Variants in ZNF558 observed in about 807,000 individuals in gnomAD.
ZNF558 encodes the protein zinc finger protein 558.
Under a neutral mutation model 37.6 loss-of-function variants are expected in ZNF558, and 23 were observed. The ratio of observed to expected loss-of-function variants is 0.61; its 90% CI spans 0.44 to 0.87. ZNF558 has a LOEUF of 0.87. ZNF558 is among the 40% of genes least tolerant of loss of function. The probability of loss-of-function intolerance (pLI) is 0.00; values close to 1 mark genes in which losing one functional copy is unlikely to be tolerated. For synonymous variants in ZNF558, 189 were observed against 174.4 expected, an observed-to-expected ratio of 1.08 and a Z score of -0.66; for missense variants, 429 against 483.7, an observed-to-expected ratio of 0.89 and a Z score of 1.06.
chr19:8,823,789 A>G (rs1305151226), intron 4 of ZNF558: 2 of 152,474 alleles, frequency 1.3e-5, no homozygotes, highest in Non-Finnish European at 2.9e-5. Context: ...GCGTGACTTC[A>G]ATCATCCACC....
chr19:8,826,527 G>A (rs1005721116), intron 2 of ZNF558, among the ~76,000 whole-genome samples: 2 of 151,998 alleles, frequency 1.3e-5, no homozygotes, highest in South Asian at 4.2e-4. Flanking sequence ...ATAGGGTTTG[G>A]GCTCCTATGA....
At chr19:8,833,310 A>G (rs1166518738), upstream of ZNF558, 4 of 152,364 alleles carry the variant, frequency 2.6e-5, no homozygotes, top group South Asian at 2.1e-4. Flanking sequence ...ATTTAACACT[A>G]AGAGTTTAGG....
rs1191041942 is a variant in ZNF558 at position 8,809,471 on chromosome 19, C to A, written c.*1810G>T. On this transcript the variant is annotated 3_prime_UTR_variant, in exon 10 of 10. Transcript: ENST00000601372. ...AAACGAATAAACTGAAGAGAACGGA[C>A]ACTGGGAAAGAAACCAACAGTATTT... 1 of 152,112 alleles carries A rather than the reference C, an allele frequency of 6.6e-6. No homozygotes were observed. Among genetic ancestry groups the A allele is most frequent in the Non-Finnish European group, 1.5e-5 (1 of 68,020 alleles). The allele number at this position is 152,112 out of a possible 1,614,324, so 9.4% of individuals were successfully genotyped here. A position where few individuals can be genotyped will look rare whatever the true frequency, so the allele number is the denominator to read the frequency against.
At chr19:8,816,086 A>G (rs1301729506) in intron 7 of ZNF558, among the ~76,000 whole-genome samples, 3 of 151,888 alleles carry the variant, frequency 2.0e-5, no homozygotes, top group Admixed American at 6.6e-5. Flanking sequence ...ACATTTTTTG[A>G]GCCAGGGTTT....
At chr19:8,833,937 G>A (rs963496271), upstream of ZNF558, among the ~76,000 whole-genome samples, 3 of 152,064 alleles carry the variant, frequency 2.0e-5, no homozygotes, top group Non-Finnish European at 2.9e-5. Context: ...GAAGTGAGCC[G>A]AGATTGCAGC....
intron 2 of ZNF558, among the ~76,000 whole-genome samples, chr19:8,826,160 CCTAGAGCCT>C (rs2044227086): frequency 6.6e-6 from 1 of 152,146 alleles, no homozygotes; most frequent in Non-Finnish European, 1.5e-5. Flanking sequence ...TGGGTTCTCC[CCTAGAGCCT>C]CTAGAGCAGT....
upstream of ZNF558, among the ~76,000 whole-genome samples, chr19:8,836,405 C>T (rs757111285): frequency 2.0e-5 from 3 of 150,940 alleles, no homozygotes; most frequent in Non-Finnish European, 3.0e-5. Context: ...TCCTCCTTGT[C>T]CTCCTCCTTC....
chr19:8,836,965 G>C (rs1044929987), upstream of ZNF558, among the ~76,000 whole-genome samples: 2 of 152,100 alleles, frequency 1.3e-5, no homozygotes, highest in African/African-American at 4.8e-5. Flanking sequence ...AAAGACAAAG[G>C]CTATGAACCA....
At position 8,809,145 on chromosome 19, in the gene ZNF558, G is replaced by A. The variant is rs1273249131; in HGVS notation, c.*2136C>T. Reference sequence around the variant, plus strand: ...AGTCCAGAGCAGATGCAGCCAATCGGAGGCTCCTGGAGAGCCCAAAGCATT... The same window carrying A: ...AGTCCAGAGCAGATGCAGCCAATCGAAGGCTCCTGGAGAGCCCAAAGCATT... On this transcript the variant is annotated 3_prime_UTR_variant, in exon 10 of 10. Transcript: ENST00000601372. 6.6e-6 allele frequency: 1 copy of A among 152,182 alleles called. No homozygotes were observed. Among genetic ancestry groups the A allele is most frequent in the African/African-American group, 2.4e-5 (1 of 41,436 alleles). 9.4% of individuals were successfully genotyped at this position (152,182 alleles called of 1,614,324 possible).
chr19:8,806,942 G>C lies in ZNF558; in HGVS notation c.*4339C>G, dbSNP rs2145154724. 1 of 152,224 alleles carries C rather than the reference G, an allele frequency of 6.6e-6. No individual in the cohort carries two copies. Among genetic ancestry groups the C allele is most frequent in the South Asian group, 2.1e-4 (1 of 4,828 alleles). The allele number at this position is 152,224 out of a possible 1,614,324, so 9.4% of individuals were successfully genotyped here. ...GTCCTTCTTCTTTGGTTGTTTGGTA[G>C]ATTTGCAGTTTGTCTCTCATTTTCT... On this transcript the variant is annotated 3_prime_UTR_variant, in exon 10 of 10. Transcript: ENST00000601372.
intron 7 of ZNF558, 114 bp downstream of exon 7, chr19:8,821,065 TA>T (rs1268725274): frequency 8.2e-6 from 12 of 1,462,114 alleles, no homozygotes; most frequent in Non-Finnish European, 1.1e-5. Context: ...TTAGAATGGT[TA>T]AAAATGGTGA....
rs1599251017 is a variant in ZNF558, at chr19:8,812,044, A to C, written c.446T>G (p.Val149Gly). 1 of 1,590,804 alleles carries C rather than the reference A, an allele frequency of 6.3e-7. No individual in the cohort carries two copies. Among genetic ancestry groups the C allele is most frequent in the East Asian group, 2.2e-5 (1 of 44,666 alleles). ...GVKTERSHRG[V>G]KLNECNQCFK... ...ACACTGATTACATTCATTGAGTTTC[A>C]CTCCACGATGACTTCTTTCCTGTGG... The change falls in exon 10 of 10, where the codon GTG becomes GGG. Residue 149 changes from valine (V) to glycine (G), a missense_variant. Coordinates refer to ENST00000601372, the MANE Select transcript of ZNF558 (RefSeq NM_144693.3).
At chr19:8,837,482 C>T in the ZNF558 span, among the ~76,000 whole-genome samples, 1 of 152,150 alleles carries the variant, frequency 6.6e-6, no homozygotes, top group Non-Finnish European at 1.5e-5. Flanking sequence ...ATGTTGTAAC[C>T]CACAAAGTCT....
At chr19:8,830,231 C>G (rs1237911562) in intron 2 of ZNF558, among the ~76,000 whole-genome samples, 1 of 152,092 alleles carries the variant, frequency 6.6e-6, no homozygotes, top group Non-Finnish European at 1.5e-5. Context: ...CTGAGGCCTC[C>G]CCCGCCATGC....
chr19:8,821,458 C>T (rs2044088783), intron 6 of ZNF558, 152 bp from the exon 7 acceptor site: 1 of 1,510,990 alleles, frequency 6.6e-7, no homozygotes, highest in African/African-American at 1.4e-5. Flanking sequence ...GGGTTCTGAG[C>T]TCCTCTCCCA....
At chr19:8,830,320 C>T (rs146194802) in intron 2 of ZNF558, among the ~76,000 whole-genome samples, 1 of 152,192 alleles carries the variant, frequency 6.6e-6, no homozygotes, top group African/African-American at 2.4e-5. Context: ...TGAAAACTCT[C>T]AGGTAGTTCT....
Position 8,822,176 on chromosome 19 carries a change from C to A in ZNF558, c.32-85G>T. On this transcript the variant is annotated intron_variant, in intron 5 of 9. Transcript: ENST00000601372. This position sits in a 1 kb window ranked among gnomAD's most constrained non-coding sequence, Gnocchi z 4.4. Reference sequence around the variant, plus strand: ...CCTGATTGACCACACCCACCTCCCACACCCACACGGATGAGGCACCACACA... The same window carrying A: ...CCTGATTGACCACACCCACCTCCCAAACCCACACGGATGAGGCACCACACA... The A allele has an allele frequency of 1.3e-6, 2 of 1,539,404 alleles. No homozygotes were observed. The highest frequency in any genetic ancestry group is 1.8e-6 in the Non-Finnish European group (2 of 1,122,510).
intron 7 of ZNF558, among the ~76,000 whole-genome samples, chr19:8,814,067 C>T (rs782633287): frequency 2.2e-4 from 34 of 152,252 alleles, no homozygotes; most frequent in African/African-American, 4.6e-4. Flanking sequence ...AAAAGCGGTC[C>T]GAATCAACTT....
chr19:8,818,046 T>C (rs749110216), intron 7 of ZNF558, among the ~76,000 whole-genome samples: 4 of 152,188 alleles, frequency 2.6e-5, no homozygotes, highest in Admixed American at 1.3e-4. Flanking sequence ...CAAATGCACA[T>C]GGAACATTCT....
Sources: allele counts gnomAD v4.1 joint callset (sites outside exome capture counted in the v4.1 genomes callset), GRCh38; gene constraint gnomAD v4.1.1; non-coding constraint Gnocchi (gnomAD v3.1); transcripts MANE v1.5; gene names NCBI Gene and HGNC (gene_info 2026-07-23, HGNC 2026-07-21).